TTBK2: variants seen among roughly 807,000 people sequenced by gnomAD.
TTBK2 encodes tau-tubulin kinase 2.
A neutral mutation model predicts 110.8 loss-of-function variants in TTBK2; 28 were observed. The observed-to-expected ratio is 0.25, with a 90% CI of 0.19 to 0.35. The LOEUF is 0.35. Among genes scored for constraint, TTBK2 ranks in the 10% least tolerant of loss-of-function variants. The pLI is 1.00. For missense variants in TTBK2, 1,369 were observed against 1,500.3 expected (o/e 0.91, Z 1.45); for synonymous variants, 532 against 527.3 (o/e 1.01, Z -0.12).
intron 3 of TTBK2, 116 bp from the exon 4 acceptor site, chr15:42,840,549 C>T: frequency 2.1e-6 from 2 of 953,794 alleles, no homozygotes; most frequent in Non-Finnish European, 3.4e-6. Context: ...TCTTGAGAAC[C>T]TTAAGGATAG....
chr15:42,894,482 T>C (rs780149384), intron 1 of TTBK2, among the ~76,000 whole-genome samples: 3 of 152,216 alleles, frequency 2.0e-5, no homozygotes, highest in Non-Finnish European at 2.9e-5. Context: ...ATGGGCATTG[T>C]GGCTCATGTT....
intron 3 of TTBK2, among the ~76,000 whole-genome samples, chr15:42,850,616 T>A (rs917295349): frequency 2.0e-5 from 3 of 152,198 alleles, no homozygotes; most frequent in African/African-American, 4.8e-5. Flanking sequence ...TATTTTAAAC[T>A]ACTTGTATAA....
At chr15:42,904,633 G>A (rs963486649) in intron 1 of TTBK2, among the ~76,000 whole-genome samples, 1 of 152,030 alleles carries the variant, frequency 6.6e-6, no homozygotes, top group African/African-American at 2.4e-5. Flanking sequence ...TGTAAATGTA[G>A]AATAACATGT....
At chr15:42,746,849 G>A (rs1366742919) in intron 14 of TTBK2, among the ~76,000 whole-genome samples, 1 of 152,020 alleles carries the variant, frequency 6.6e-6, no homozygotes, top group East Asian at 1.9e-4. Context: ...GAAAAGAGTA[G>A]TCATTGGTTT....
Position 42,739,948 on chromosome 15 carries a change from G to C in TTBK2, c.*5847C>G, listed in dbSNP as rs1366901623. On this transcript the variant is annotated 3_prime_UTR_variant, in exon 15 of 15. Coordinates refer to ENST00000267890, the MANE Select transcript of TTBK2 (RefSeq NM_173500.4). Reference sequence around the variant, plus strand: ...GCAAGGGTAGTCTATATAAAAACTTGGTTTACTCAATGTTTTTAATTAGGC... The same window carrying C: ...GCAAGGGTAGTCTATATAAAAACTTCGTTTACTCAATGTTTTTAATTAGGC... 6.6e-6 allele frequency: 1 copy of C among 151,838 alleles called. No individual in the cohort carries two copies. Among genetic ancestry groups the C allele is most frequent in the Non-Finnish European group, 1.5e-5 (1 of 67,960 alleles). The allele number at this position is 151,838 out of a possible 1,614,324, so 9.4% of individuals were successfully genotyped here. A position where few individuals can be genotyped will look rare whatever the true frequency, so the allele number is the denominator to read the frequency against.
chr15:42,777,321 T>C lies in TTBK2; in HGVS notation c.1198-79A>G. The C allele has an allele frequency of 3.6e-6, 5 of 1,395,394 alleles. 1 individual carries two copies. In the Admixed American group the frequency reaches 1.0e-4, roughly 28 times the overall value. The allele number at this position is 1,395,394 out of a possible 1,614,324, so 86.4% of individuals were successfully genotyped here. A position where few individuals can be genotyped will look rare whatever the true frequency, so the allele number is the denominator to read the frequency against. The stretch of plus-strand genomic sequence containing the variant: ...GAGGAATCATTGAAGCCTTTCAAAA[T>C]AATATAAATAAATGATTAGATGTGT... On this transcript the variant is annotated intron_variant, in intron 11 of 14. Transcript: ENST00000267890.
chr15:42,803,553 G>T (rs530780270), intron 9 of TTBK2, among the ~76,000 whole-genome samples: 6 of 152,238 alleles, frequency 3.9e-5, no homozygotes, highest in Non-Finnish European at 8.8e-5. Context: ...CCCTTTCAGG[G>T]GCTCAGTCAG....
intron 3 of TTBK2, among the ~76,000 whole-genome samples, chr15:42,847,131 GT>G (rs965765173): frequency 2.0e-5 from 3 of 152,204 alleles, no homozygotes; most frequent in African/African-American, 7.2e-5. Context: ...CAGAAGTACA[GT>G]TTAAGCCATT....
intron 2 of TTBK2, among the ~76,000 whole-genome samples, chr15:42,874,203 T>G (rs1329473382): frequency 6.6e-6 from 1 of 152,214 alleles, no homozygotes; most frequent in African/African-American, 2.4e-5. Flanking sequence ...TTTGTTCTAT[T>G]CTATTTCCTT....
At chr15:42,834,196 A>AG (rs144301772) in intron 4 of TTBK2, among the ~76,000 whole-genome samples, 14,582 of 124,066 alleles carry the variant, frequency 0.12, 2,446 homozygotes, top group African/African-American at 0.33. Context: ...AAAAAAAAAA[A>AG]GGGGGGGGGT....
chr15:42,823,903 C>T (rs1386951354), intron 6 of TTBK2, among the ~76,000 whole-genome samples: 4 of 151,998 alleles, frequency 2.6e-5, no homozygotes, highest in East Asian at 1.9e-4. Context: ...CTGTTTGGTT[C>T]GCAGTTCTGC....
chr15:42,871,821 A>G (rs1209559543), intron 3 of TTBK2, among the ~76,000 whole-genome samples: 1 of 152,176 alleles, frequency 6.6e-6, no homozygotes, highest in African/African-American at 2.4e-5. Context: ...ATAAAAACAG[A>G]TCTATAATTT....
chr15:42,791,091 G>T (rs185931483), intron 10 of TTBK2, among the ~76,000 whole-genome samples: 1 of 152,084 alleles, frequency 6.6e-6, no homozygotes, highest in East Asian at 1.9e-4. Flanking sequence ...GTTTCACTGT[G>T]TTAGCCAGGA....
intron 10 of TTBK2, among the ~76,000 whole-genome samples, chr15:42,787,463 A>G (rs1026208232): frequency 6.6e-6 from 1 of 152,210 alleles, no homozygotes; most frequent in African/African-American, 2.4e-5. Context: ...TAGAGGGCAG[A>G]CAGTAATGGT....
chr15:42,790,968 C>T (rs1255088589), intron 10 of TTBK2, among the ~76,000 whole-genome samples: 2 of 152,182 alleles, frequency 1.3e-5, no homozygotes, highest in African/African-American at 4.8e-5. Context: ...ACTGCAAGCT[C>T]CACCTCCCGT....
At chr15:42,857,986 G>C (rs1485083417) in intron 3 of TTBK2, among the ~76,000 whole-genome samples, 1 of 152,128 alleles carries the variant, frequency 6.6e-6, no homozygotes, top group African/African-American at 2.4e-5. Context: ...GGGAGGCTGA[G>C]GCACAAGGAT....
At chr15:42,788,360 A>T (rs937680212) in intron 10 of TTBK2, among the ~76,000 whole-genome samples, 5 of 152,160 alleles carry the variant, frequency 3.3e-5, no homozygotes, top group Non-Finnish European at 7.4e-5. Context: ...CAGGAGGTAT[A>T]GTCTCTATCA....
intron 1 of TTBK2, among the ~76,000 whole-genome samples, chr15:42,911,040 G>A (rs1389150510): frequency 1.1e-4 from 15 of 140,182 alleles, no homozygotes; most frequent in African/African-American, 2.4e-4. Flanking sequence ...GTGAAACTCC[G>A]TCTCAAAAAA....
At chr15:42,881,943 A>G (rs1281065848) in intron 1 of TTBK2, among the ~76,000 whole-genome samples, 1 of 152,180 alleles carries the variant, frequency 6.6e-6, no homozygotes, top group Non-Finnish European at 1.5e-5. Context: ...GGATGGGGTC[A>G]ATAGAAAAAT....
Sources: gnomAD v4.1 joint callset for allele counts (sites outside exome capture counted in the v4.1 genomes callset) on GRCh38, gnomAD v4.1.1 for gene constraint, MANE v1.5 for transcripts, NCBI Gene and HGNC (gene_info 2026-07-23, HGNC 2026-07-21) for gene names.